The following CNTNAP2 variants were observed in gnomAD, a reference collection of about 807,000 sequenced individuals.
CNTNAP2 encodes contactin-associated protein-like 2.
A neutral mutation model predicts 155.2 loss-of-function variants in CNTNAP2; 98 were observed. The ratio of observed to expected loss-of-function variants is 0.63; its 90% CI spans 0.54 to 0.75. CNTNAP2 has a LOEUF of 0.75. CNTNAP2 is among the 30% of genes least tolerant of loss of function. The probability of loss-of-function intolerance (pLI) is 0.00; values close to 1 mark genes in which losing one functional copy is unlikely to be tolerated. For missense variants in CNTNAP2, 1,727 were observed against 1,688.1 expected (o/e 1.02, Z -0.40); for synonymous variants, 651 against 631.2 (o/e 1.03, Z -0.47).
intron 11 of CNTNAP2, among the ~76,000 whole-genome samples, chr7:147,503,530 C>T (rs1798855396): frequency 6.6e-6 from 1 of 152,130 alleles, no homozygotes; most frequent in Admixed American, 6.5e-5. Context: ...GCTTTCCCAG[C>T]TCCGTTATGC....
At chr7:148,199,093 G>T (rs1585182690) in intron 18 of CNTNAP2, among the ~76,000 whole-genome samples, 2 of 152,240 alleles carry the variant, frequency 1.3e-5, no homozygotes, top group South Asian at 4.1e-4. Context: ...TTCATAGAGG[G>T]TTTTGAGCAA....
At chr7:146,758,404 C>G (rs930594566) in intron 1 of CNTNAP2, among the ~76,000 whole-genome samples, 20 of 152,128 alleles carry the variant, frequency 1.3e-4, no homozygotes, top group African/African-American at 4.3e-4. Context: ...GCTCAACTGT[C>G]TGGGTGAGGC....
At chr7:146,181,360 T>C (rs1472390850) in intron 1 of CNTNAP2, among the ~76,000 whole-genome samples, 3 of 152,110 alleles carry the variant, frequency 2.0e-5, no homozygotes, top group Non-Finnish European at 4.4e-5. Flanking sequence ...AGCTTTCTTA[T>C]CAGTAACAGA....
intron 15 of CNTNAP2, among the ~76,000 whole-genome samples, chr7:148,085,787 A>G (rs943485840): frequency 7.9e-5 from 12 of 151,192 alleles, no homozygotes; most frequent in African/African-American, 2.9e-4. Context: ...TGGCATGAAC[A>G]TGGCACACTT....
chr7:148,283,041 C>G (rs1001982473), intron 21 of CNTNAP2, among the ~76,000 whole-genome samples: 1 of 151,586 alleles, frequency 6.6e-6, no homozygotes, highest in Admixed American at 6.6e-5. Flanking sequence ...TCGAGACCAG[C>G]CTGGCCAACA....
intron 1 of CNTNAP2, among the ~76,000 whole-genome samples, chr7:146,721,465 A>G (rs546874427): frequency 2.3e-5 from 3 of 130,870 alleles, no homozygotes; most frequent in Non-Finnish European, 4.6e-5. Context: ...TACATTTTAT[A>G]TACATTCTAT....
chr7:146,959,362 G>C (rs978369942), intron 3 of CNTNAP2, among the ~76,000 whole-genome samples: 1 of 152,082 alleles, frequency 6.6e-6, no homozygotes, highest in Non-Finnish European at 1.5e-5. Context: ...TTATTGGTAT[G>C]ATTCTGCTCA....
intron 1 of CNTNAP2, among the ~76,000 whole-genome samples, chr7:146,672,152 G>T (rs187335546): frequency 1.3e-5 from 2 of 152,164 alleles, no homozygotes; most frequent in East Asian, 3.9e-4. Context: ...TCTCCACATT[G>T]CACACACCCA....
At chr7:146,520,313 C>CGTATATATATAT (rs71175654) in intron 1 of CNTNAP2, among the ~76,000 whole-genome samples, 15 of 140,820 alleles carry the variant, frequency 1.1e-4, no homozygotes, top group African/African-American at 3.6e-4. Flanking sequence ...TAGATATATT[C>CGTATATATATAT]ATATATATAT....
At chr7:146,529,965 AAACAACAACAAC>A (rs59533423) in intron 1 of CNTNAP2, among the ~76,000 whole-genome samples, 4 of 150,524 alleles carry the variant, frequency 2.7e-5, no homozygotes, top group Non-Finnish European at 3.0e-5. Context: ...CTCCGTCTCA[AAACAACAACAAC>A]AACAACAACA....
chr7:146,509,631 G>A (rs1584956867), intron 1 of CNTNAP2, among the ~76,000 whole-genome samples: 1 of 152,084 alleles, frequency 6.6e-6, no homozygotes, highest in African/African-American at 2.4e-5. Flanking sequence ...GTCAGATCGG[G>A]CAGGGGTCTC....
Position 148,118,237 on chromosome 7 carries a change from G to T in CNTNAP2, c.2503G>T (p.Val835Leu). 6.2e-7 allele frequency: 1 copy of T among 1,614,192 alleles called. No homozygotes were observed. The highest frequency in any genetic ancestry group is 8.5e-7 in the Non-Finnish European group (1 of 1,180,020). The change falls in exon 16 of 24, where the codon GTG becomes TTG. Residue 835 changes from valine (V) to leucine (L), a missense_variant. By Grantham distance (32) the Val-to-Leu change is conservative. Coordinates refer to ENST00000361727, the MANE Select transcript of CNTNAP2 (RefSeq NM_014141.6). ...FYFKTLTPWG[V>L]FLENMGKEDF... Reference sequence around the variant, plus strand: ...CTTCAAAACATTAACCCCCTGGGGAGTGTTTCTTGAAAATATGGGAAAGGA... The same window carrying T: ...CTTCAAAACATTAACCCCCTGGGGATTGTTTCTTGAAAATATGGGAAAGGA...
intron 1 of CNTNAP2, among the ~76,000 whole-genome samples, chr7:146,755,445 C>G (rs1465897721): frequency 6.6e-6 from 1 of 151,874 alleles, no homozygotes; most frequent in Non-Finnish European, 1.5e-5. Flanking sequence ...TTAGAAAACT[C>G]AAATCAAAAA....
intron 15 of CNTNAP2, among the ~76,000 whole-genome samples, chr7:148,112,683 C>T (rs1804378577): frequency 6.6e-6 from 1 of 152,048 alleles, no homozygotes; most frequent in Non-Finnish European, 1.5e-5. Flanking sequence ...GTGTGAGGCA[C>T]CATGCCAAGC....
At chr7:147,519,566 C>T (rs1190615857) in intron 11 of CNTNAP2, among the ~76,000 whole-genome samples, 1 of 152,140 alleles carries the variant, frequency 6.6e-6, no homozygotes, top group Non-Finnish European at 1.5e-5. Flanking sequence ...GATTATTTTT[C>T]AAAGGAATAA....
chr7:147,520,044 A>C (rs1799205884), intron 11 of CNTNAP2, among the ~76,000 whole-genome samples: 1 of 152,158 alleles, frequency 6.6e-6, no homozygotes, highest in Admixed American at 6.5e-5. Context: ...AGTCATTGAA[A>C]GCTTTGGAAG....
At chr7:146,164,671 T>C (rs1798285159) in intron 1 of CNTNAP2, among the ~76,000 whole-genome samples, 1 of 152,188 alleles carries the variant, frequency 6.6e-6, no homozygotes, top group South Asian at 2.1e-4. Flanking sequence ...GGCATGAACA[T>C]TGAGTTATTT....
chr7:147,813,230 C>T (rs569568263), intron 13 of CNTNAP2, among the ~76,000 whole-genome samples: 1 of 152,024 alleles, frequency 6.6e-6, no homozygotes, highest in African/African-American at 2.4e-5. Context: ...ATAACTTTAC[C>T]AAAAACTACC....
intron 3 of CNTNAP2, among the ~76,000 whole-genome samples, chr7:146,940,894 T>A (rs1797042755): frequency 6.6e-6 from 1 of 152,100 alleles, no homozygotes; most frequent in African/African-American, 2.4e-5. Flanking sequence ...AATGGGCCAC[T>A]TTCTAATTAT....
Sources: gnomAD v4.1 joint callset for allele counts (sites outside exome capture counted in the v4.1 genomes callset) on GRCh38, gnomAD v4.1.1 for gene constraint, MANE v1.5 for transcripts, NCBI Gene and HGNC (gene_info 2026-07-23, HGNC 2026-07-21) for gene names.